The following MARCHF7 variants were observed in gnomAD, a reference collection of about 807,000 sequenced individuals.
The protein encoded by MARCHF7 is membrane associated ring-CH-type finger 7, also known as E3 ubiquitin-protein ligase MARCHF7.
MARCHF7 carries 20 observed loss-of-function variants against 76.5 expected under a neutral mutation model. That is an observed-to-expected ratio of 0.26 (90% confidence interval 0.18 to 0.38). MARCHF7 has a LOEUF of 0.38. MARCHF7 is among the 10% of genes least tolerant of loss of function. The pLI, the probability that MARCHF7 is intolerant of heterozygous loss-of-function variation, is 1.00. For synonymous variants in MARCHF7, 295 were observed against 293.0 expected (o/e 1.01, Z -0.07); for missense variants, 797 against 812.9 (o/e 0.98, Z 0.24).
intron 4 of MARCHF7, chr2:159,732,691 A>G (rs566935164): frequency 6.5e-4 from 141 of 218,018 alleles, no homozygotes; most frequent in Non-Finnish European, 9.4e-4. Context: ...ACACGTGGCT[A>G]ATTTTTTAAA....
chr2:159,714,005 A>G (rs1700685947), intron 1 of MARCHF7, among the ~76,000 whole-genome samples: 1 of 152,124 alleles, frequency 6.6e-6, no homozygotes, highest in Admixed American at 6.6e-5. Flanking sequence ...TTTTTCTGCC[A>G]CCTGGAAGAG....
chr2:159,747,155 G>A (rs1484228818), intron 6 of MARCHF7, among the ~76,000 whole-genome samples: 1 of 152,166 alleles, frequency 6.6e-6, no homozygotes, highest in Non-Finnish European at 1.5e-5. Context: ...TTTGAAAAGT[G>A]CAGATGTCAT....
Position 159,748,445 on chromosome 2 carries a change from G to GT in MARCHF7, c.1157dup (p.Leu386PhefsTer6). 1 of 1,614,124 alleles carries GT rather than the reference G, an allele frequency of 6.2e-7. No homozygotes were observed. The highest frequency in any genetic ancestry group is 8.5e-7 in the Non-Finnish European group (1 of 1,180,028). On this transcript the variant is annotated frameshift_variant, in exon 7 of 12. Coordinates refer to ENST00000409175, the MANE Select transcript of MARCHF7 (RefSeq NM_001282805.2). LOFTEE classifies it high-confidence loss of function. ...CTGAAGGTAGAAATACAGGACCATG[G>GT]TTATCTTCCTCACTTAGAAATAGAT...
At chr2:159,761,270 C>A (rs189382562) in intron 9 of MARCHF7, among the ~76,000 whole-genome samples, 56 of 151,842 alleles carry the variant, frequency 3.7e-4, no homozygotes, top group Non-Finnish European at 7.2e-4. Flanking sequence ...GTGAGCCACC[C>A]GCCTCGGCCT....
chr2:159,733,077 A>G (rs923272702), intron 4 of MARCHF7: 6 of 609,836 alleles, frequency 9.8e-6, no homozygotes, highest in African/African-American at 2.1e-5. Context: ...AATTATTTAT[A>G]ATTGTTAACT....
chr2:159,740,917 C>T (rs2125527182), intron 4 of MARCHF7, among the ~76,000 whole-genome samples: 1 of 152,280 alleles, frequency 6.6e-6, no homozygotes, highest in Non-Finnish European at 1.5e-5. Context: ...GTGCCTCATG[C>T]CTGTAATCCC....
rs926964216 is a variant in MARCHF7, at chr2:159,745,279, G to A, written c.347-491G>A. Among the ~76,000 whole-genome samples the A allele has an allele frequency of 5.9e-5, 9 of 152,286 alleles. No homozygotes were observed. The East Asian group carries it at 9.6e-4, about 16-fold the overall frequency. ...TTTAGAGTAGGAAATAATTTTATAA[G>A]TGATTAGTTCATTTGTGAATAGTTT... On this transcript the variant is annotated intron_variant, in intron 5 of 11. Coordinates refer to ENST00000409175, the MANE Select transcript of MARCHF7 (RefSeq NM_001282805.2).
rs573947275 is a variant in MARCHF7 at position 159,748,911 on chromosome 2, C to T, written c.1613+8C>T. 3.3e-5 allele frequency: 52 copies of T among 1,583,260 alleles called. No individual in the cohort carries two copies. In the Admixed American group the frequency reaches 6.3e-4, roughly 19 times the overall value. Reference sequence around the variant, plus strand: ...GCAGAAAATAAAAGAGAGGTAAATTCGAATACCTGTCTTAAGCCTATAAAT... The same window carrying T: ...GCAGAAAATAAAAGAGAGGTAAATTTGAATACCTGTCTTAAGCCTATAAAT... On this transcript the variant is annotated splice_region_variant and intron_variant, in intron 7 of 11. Transcript: ENST00000409175.
At chr2:159,732,946 G>A (rs1265697416) in intron 4 of MARCHF7, 14 of 981,332 alleles carry the variant, frequency 1.4e-5, no homozygotes, top group African/African-American at 1.7e-5. Flanking sequence ...CATCTTAATT[G>A]TTAAGATTAA....
At chr2:159,746,452 G>A (rs12620924) in intron 6 of MARCHF7, among the ~76,000 whole-genome samples, 52,383 of 152,068 alleles carry the variant, frequency 0.34, 9,229 homozygotes, top group South Asian at 0.44. Flanking sequence ...CCCAGGCTGG[G>A]GTGCAATGGC....
At position 159,751,262 on chromosome 2, in the gene MARCHF7, C is replaced by CT. The variant is rs547932578; in HGVS notation, c.1614-1139dup. Among the ~76,000 whole-genome samples, 61 of 152,320 alleles carry CT rather than the reference C, an allele frequency of 4.0e-4. 1 individual carries two copies. In the South Asian group the frequency reaches 8.1e-3, roughly 20 times the overall value. On this transcript the variant is annotated intron_variant, in intron 7 of 11. Coordinates refer to ENST00000409175, the MANE Select transcript of MARCHF7 (RefSeq NM_001282805.2). ...GAGAAATGATTGAGCCAGTACCACT[C>CT]TATCTGGTTAATTAAAAAGCAGCAT...
Position 159,767,511 on chromosome 2 carries a change from T to G in MARCHF7, c.*169T>G. ...TATATATATATTCATTCTCCAGTGT[T>G]GCTGAATTAAAATTCTGCTGGACTT... is the stretch of plus-strand genomic sequence containing the variant. On this transcript the variant is annotated 3_prime_UTR_variant, in exon 12 of 12. Coordinates refer to ENST00000409175, the MANE Select transcript of MARCHF7 (RefSeq NM_001282805.2). 2.2e-6 allele frequency: 1 copy of G among 451,662 alleles called. No homozygotes were observed. Among genetic ancestry groups the G allele is most frequent in the Admixed American group, 4.2e-5 (1 of 23,716 alleles). 28.0% of individuals were successfully genotyped at this position (451,662 alleles called of 1,614,324 possible). A position where few individuals can be genotyped will look rare whatever the true frequency, so the allele number is the denominator to read the frequency against.
At chr2:159,728,071 A>G (rs1247175059) in intron 3 of MARCHF7, among the ~76,000 whole-genome samples, 3 of 152,220 alleles carry the variant, frequency 2.0e-5, no homozygotes, top group Non-Finnish European at 2.9e-5. Flanking sequence ...TTACTTTCCA[A>G]TAGTACCATA....
At chr2:159,739,180 C>G (rs1245601752) in intron 4 of MARCHF7, among the ~76,000 whole-genome samples, 3 of 152,242 alleles carry the variant, frequency 2.0e-5, no homozygotes, top group Non-Finnish European at 2.9e-5. Context: ...ACAGCTGGGT[C>G]AGGGAGCACA....
At chr2:159,732,721 G>T in intron 4 of MARCHF7, 1 of 393,098 alleles carries the variant, frequency 2.5e-6, no homozygotes, top group Non-Finnish European at 3.5e-6. Flanking sequence ...TTATAGAGAT[G>T]GGGTCTTGCT....
At chr2:159,725,512 C>T (rs1323340696) in intron 3 of MARCHF7, among the ~76,000 whole-genome samples, 1 of 151,826 alleles carries the variant, frequency 6.6e-6, no homozygotes, top group Non-Finnish European at 1.5e-5. Flanking sequence ...TATCCTTCGC[C>T]CACTTTTTTA....
intron 4 of MARCHF7, among the ~76,000 whole-genome samples, chr2:159,735,467 C>T (rs1703342086): frequency 6.6e-6 from 1 of 152,202 alleles, no homozygotes; most frequent in African/African-American, 2.4e-5. Flanking sequence ...ATGGTTATCA[C>T]TGCACTGCTC....
In MARCHF7 at chr2:159,743,126, T is replaced by C; in HGVS notation, c.219T>C (p.Thr73=). Residue 73 remains threonine (T), a synonymous_variant, in exon 5 of 12, where the codon ACT becomes ACC. Transcript: ENST00000409175. The part of the protein sequence containing the change: ...QSAWYSESEI[T]QGARSRSQNQ... ...CATGGTATAGTGAATCTGAGATAAC[T>C]CAGGGAGCACGCTCAAGATCGCAGA... is the stretch of plus-strand genomic sequence containing the variant. 6.2e-7 allele frequency: 1 copy of C among 1,614,178 alleles called. No homozygotes were observed. Among genetic ancestry groups the C allele is most frequent in the Non-Finnish European group, 8.5e-7 (1 of 1,180,024 alleles).
intron 4 of MARCHF7, chr2:159,733,027 T>G: frequency 1.6e-6 from 1 of 624,874 alleles, no homozygotes; most frequent in Non-Finnish European, 2.0e-6. Context: ...CAGGTGTTAC[T>G]AATTATAATT....
Sources: gnomAD v4.1 joint callset for allele counts (sites outside exome capture counted in the v4.1 genomes callset) on GRCh38, gnomAD v4.1.1 for gene constraint, MANE v1.5 for transcripts, NCBI Gene and HGNC (gene_info 2026-07-23, HGNC 2026-07-21) for gene names.